TLK1: variants seen among roughly 807,000 people sequenced by gnomAD.
TLK1 encodes the protein tousled like kinase 1.
Under a neutral mutation model 105.3 loss-of-function variants are expected in TLK1, and 24 were observed. The ratio of observed to expected loss-of-function variants is 0.23; its 90% CI spans 0.17 to 0.32. TLK1 has a LOEUF of 0.32. TLK1 is among the 10% of genes least tolerant of loss of function. TLK1 has a pLI of 1.00. For synonymous variants in TLK1, 321 were observed against 310.4 expected (o/e 1.03, Z -0.36); for missense variants, 558 against 910.5 (o/e 0.61, Z 4.98).
chr2:171,093,376 G>A (rs951600039), intron 2 of TLK1, among the ~76,000 whole-genome samples: 5 of 152,194 alleles, frequency 3.3e-5, no homozygotes, highest in African/African-American at 9.6e-5. Context: ...GAGGTAATCA[G>A]AGAAACATCC....
At chr2:171,067,163 T>TG (rs901830065) in intron 3 of TLK1, among the ~76,000 whole-genome samples, 1 of 151,246 alleles carries the variant, frequency 6.6e-6, no homozygotes, top group Admixed American at 6.6e-5. Flanking sequence ...CACTTAGGTT[T>TG]TTTTTTTTTT....
At chr2:171,122,438 A>G (rs1390775479) in intron 1 of TLK1, among the ~76,000 whole-genome samples, 7 of 152,164 alleles carry the variant, frequency 4.6e-5, no homozygotes, top group Admixed American at 3.3e-4. Flanking sequence ...ATGCAAAATC[A>G]TGGGTTCCTC....
chr2:171,043,581 G>A (rs180980069), intron 11 of TLK1, among the ~76,000 whole-genome samples: 1 of 152,250 alleles, frequency 6.6e-6, no homozygotes, highest in East Asian at 1.9e-4. Context: ...GAAGCGGGAA[G>A]AGGGAGAGAT....
chr2:171,195,409 A>C (rs552458794), intron 1 of TLK1, among the ~76,000 whole-genome samples: 1 of 149,564 alleles, frequency 6.7e-6, no homozygotes, highest in South Asian at 2.2e-4. Context: ...AGGCTGAGGC[A>C]GGAGAATGGC....
intron 2 of TLK1, among the ~76,000 whole-genome samples, chr2:171,102,519 G>A (rs1010386239): frequency 6.6e-6 from 1 of 152,086 alleles, no homozygotes; most frequent in Non-Finnish European, 1.5e-5. Flanking sequence ...TGCTATCAGG[G>A]TCTGGTAAGT....
At chr2:171,037,868 G>A (rs1172023378) in intron 11 of TLK1, among the ~76,000 whole-genome samples, 1 of 152,126 alleles carries the variant, frequency 6.6e-6, no homozygotes, top group Non-Finnish European at 1.5e-5. Context: ...GTCGGCCTCA[G>A]AAAATAAGTG....
intron 1 of TLK1, among the ~76,000 whole-genome samples, chr2:171,214,415 C>G (rs763876050): frequency 1.3e-5 from 2 of 152,216 alleles, no homozygotes; most frequent in Non-Finnish European, 2.9e-5. Flanking sequence ...GCATGGCTCT[C>G]TGTGCCCCAG....
chr2:171,113,340 G>A (rs1413834960), intron 2 of TLK1, among the ~76,000 whole-genome samples: 1 of 150,034 alleles, frequency 6.7e-6, no homozygotes, highest in Non-Finnish European at 1.5e-5. Context: ...GCACAATCTC[G>A]GCTCACTGCA....
Position 171,006,520 on chromosome 2 carries a change from A to G in TLK1, c.1722T>C (p.Tyr574=), listed in dbSNP as rs1333375381. 2 of 1,612,652 alleles carry G rather than the reference A, an allele frequency of 1.2e-6. No individual in the cohort carries two copies. The highest frequency in any genetic ancestry group is 1.3e-5 in the African/African-American group (1 of 74,998). ...IVMQIVNALR[Y]LNEIKPPIIH... ...TAATAGGGGGTTTGATCTCATTGAG[A>G]TATCTTAGTGCATTTACAATCTGCA... Residue 574 remains tyrosine (Y), a synonymous_variant, in exon 17 of 21, where the codon TAT becomes TAC. Transcript: ENST00000431350.
chr2:171,207,678 C>A (rs1191800862), intron 1 of TLK1, among the ~76,000 whole-genome samples: 2 of 152,084 alleles, frequency 1.3e-5, no homozygotes, highest in Non-Finnish European at 2.9e-5. Context: ...CCTAAAAGGG[C>A]TCTAAAAATA....
At chr2:171,001,527 T>C (rs1420292327) in intron 18 of TLK1, among the ~76,000 whole-genome samples, 1 of 152,182 alleles carries the variant, frequency 6.6e-6, no homozygotes, top group Non-Finnish European at 1.5e-5. Context: ...GTATTTATCT[T>C]CTCTGTTTGA....
intron 2 of TLK1, among the ~76,000 whole-genome samples, chr2:171,115,496 T>G (rs567793973): frequency 6.6e-6 from 1 of 152,102 alleles, no homozygotes; most frequent in Non-Finnish European, 1.5e-5. Flanking sequence ...TTTGAAAGAC[T>G]AGAATACCAT....
At position 171,160,720 on chromosome 2, in the gene TLK1, G is replaced by A; in HGVS notation, c.-292C>T. ...GAGCGCGGCGGCGGAGGCGTCGAGG[G>A]GGTGCCAGCCGGGCCGGGGTCGGAG... On this transcript the variant is annotated 5_prime_UTR_variant, in exon 1 of 21. Transcript: ENST00000431350. This position sits in a 1 kb window ranked among gnomAD's most constrained non-coding sequence, Gnocchi z 4.4. 2 of 468,714 alleles carry A rather than the reference G, an allele frequency of 4.3e-6. No individual in the cohort carries two copies. The highest frequency in any genetic ancestry group is 7.3e-6 in the Non-Finnish European group (2 of 274,906). 29.0% of individuals were successfully genotyped at this position (468,714 alleles called of 1,614,324 possible). A position where few individuals can be genotyped will look rare whatever the true frequency, so the allele number is the denominator to read the frequency against.
intron 12 of TLK1, chr2:171,023,081 G>C (rs538291248): frequency 1.1e-5 from 5 of 470,944 alleles, no homozygotes; most frequent in Non-Finnish European, 2.2e-5. Context: ...TGCCAATATC[G>C]GTCAGAGAAC....
chr2:171,155,619 C>G (rs1692203429), intron 1 of TLK1: 3 of 152,166 alleles, frequency 2.0e-5, no homozygotes, highest in Admixed American at 2.0e-4. Context: ...CCTTAAGTCA[C>G]TAATCCAATA....
chr2:171,105,535 A>AATTAG (rs1285428968), intron 2 of TLK1, among the ~76,000 whole-genome samples: 1 of 152,064 alleles, frequency 6.6e-6, no homozygotes, highest in African/African-American at 2.4e-5. Context: ...AAAATACAAA[A>AATTAG]ATTAGATGAG....
intron 3 of TLK1, among the ~76,000 whole-genome samples, chr2:171,078,617 C>T (rs1301716001): frequency 6.6e-6 from 1 of 152,140 alleles, no homozygotes; most frequent in Non-Finnish European, 1.5e-5. Context: ...CCGTCATAAA[C>T]ATTAAGTGAT....
intron 1 of TLK1, among the ~76,000 whole-genome samples, chr2:171,173,075 G>A (rs1052719363): frequency 6.6e-6 from 1 of 152,296 alleles, no homozygotes; most frequent in African/African-American, 2.4e-5. Flanking sequence ...CAGAGTCAAA[G>A]TCAATTATAA....
Position 170,990,878 on chromosome 2 carries a change from AT to A in TLK1, c.*2901del, listed in dbSNP as rs1354634874. The A allele has an allele frequency of 1.4e-5, 1 of 70,578 alleles. No individual in the cohort carries two copies. The highest frequency in any genetic ancestry group is 3.5e-5 in the Non-Finnish European group (1 of 28,366). 4.4% of individuals were successfully genotyped at this position (70,578 alleles called of 1,614,324 possible). A position where few individuals can be genotyped will look rare whatever the true frequency, so the allele number is the denominator to read the frequency against. On this transcript the variant is annotated 3_prime_UTR_variant, in exon 21 of 21. Coordinates refer to ENST00000431350, the MANE Select transcript of TLK1 (RefSeq NM_012290.5). ...ATGATGAACAGCAAAACAACACACA[AT>A]ATACTCTTTAAATGTTTCACTGAAG... is the stretch of plus-strand genomic sequence containing the variant.
Sources: allele counts gnomAD v4.1 joint callset (sites outside exome capture counted in the v4.1 genomes callset), GRCh38; gene constraint gnomAD v4.1.1; non-coding constraint Gnocchi (gnomAD v3.1); transcripts MANE v1.5; gene names NCBI Gene and HGNC (gene_info 2026-07-23, HGNC 2026-07-21).